The following CD36 variants were observed in gnomAD, a reference collection of about 807,000 sequenced individuals.
The protein encoded by CD36 is platelet glycoprotein 4.
Under a neutral mutation model 55.2 loss-of-function variants are expected in CD36, and 119 were observed. That is an observed-to-expected ratio of 2.15 (90% confidence interval 1.86 to 2.51). The LOEUF (loss-of-function observed/expected upper bound fraction) is 2.51, where lower values mean the gene tolerates loss of function less well. CD36 is among the 30% of genes most tolerant of loss of function. The pLI is 0.00. For synonymous variants in CD36, 186 were observed against 193.6 expected (o/e 0.96, Z 0.33); for missense variants, 819 against 555.5 (o/e 1.47, Z -4.77).
chr7:80,670,297 A>G (rs1797536129), intron 9 of CD36: 4 of 436,044 alleles, frequency 9.2e-6, no homozygotes, highest in East Asian at 4.9e-5. Flanking sequence ...CTAAAGACAT[A>G]CAGAGAAGAT....
At chr7:80,651,595 G>T (rs1795625673) in intron 3 of CD36, among the ~76,000 whole-genome samples, 1 of 151,952 alleles carries the variant, frequency 6.6e-6, no homozygotes, top group African/African-American at 2.4e-5. Context: ...AAAATAAATT[G>T]AAATCATGAT....
intron 11 of CD36, 73 bp downstream of exon 11, chr7:80,672,113 C>A: frequency 8.5e-7 from 1 of 1,181,924 alleles, no homozygotes; most frequent in Non-Finnish European, 1.2e-6. Context: ...ATAATCTTGT[C>A]GATGATTATT....
At chr7:80,614,184 G>C (rs1183573246) in intron 1 of CD36, among the ~76,000 whole-genome samples, 4 of 152,120 alleles carry the variant, frequency 2.6e-5, no homozygotes, top group African/African-American at 9.6e-5. Context: ...AATAAAATGG[G>C]CATCATTCTC....
upstream of CD36, among the ~76,000 whole-genome samples, chr7:80,637,656 C>T (rs999576334): frequency 6.6e-6 from 1 of 151,740 alleles, no homozygotes; most frequent in Non-Finnish European, 1.5e-5. Context: ...CACGAGCATT[C>T]TAACTTAAGG....
Position 80,661,068 on chromosome 7 carries a change from G to C in CD36, c.287G>C (p.Arg96Pro), listed in dbSNP as rs70961715. Residue 96 changes from arginine (R) to proline (P), a missense_variant, in exon 5 of 15, where the codon CGT (arginine) becomes CCT (proline). By Grantham distance (103) the Arg-to-Pro change is moderately radical (BLOSUM62 -2). Coordinates refer to ENST00000447544, the MANE Select transcript of CD36 (RefSeq NM_001001548.3). Reference sequence around the variant, plus strand: ...GTTTACTGCTATTTCTTTAGAGTTCGTTTTCTAGCCAAGGAAAATGTAACC... The same window carrying C: ...GTTTACTGCTATTTCTTTAGAGTTCCTTTTCTAGCCAAGGAAAATGTAACC... Reference protein sequence around the residue: ...KQRGPYTYRVRFLAKENVTQD... With the variant: ...KQRGPYTYRVPFLAKENVTQD... The C allele has an allele frequency of 4.1e-5, 66 of 1,612,994 alleles. No individual in the cohort carries two copies. In the East Asian group the frequency reaches 1.2e-3, roughly 29 times the overall value.
In CD36 at chr7:80,661,158, T is replaced by TATC. The variant is rs753791074; in HGVS notation, c.379_381dup (p.Ser127dup). ...AATGGTGCCATCTTCGAACCTTCAC[T>TATC]ATCAGTTGGAACAGAGGCTGACAAC... On this transcript the variant is annotated inframe_insertion, in exon 5 of 15. Transcript: ENST00000447544. The TATC allele has an allele frequency of 3.7e-6, 6 of 1,614,030 alleles. 1 individual carries two copies. The highest frequency in any genetic ancestry group is 1.7e-4 in the Middle Eastern group (1 of 6,060).
Position 80,661,191 on chromosome 7 carries a change from T to C in CD36, c.410T>C (p.Val137Ala), listed in dbSNP as rs2272350. 2.7e-5 allele frequency: 43 copies of C among 1,614,032 alleles called. No individual in the cohort carries two copies. The East Asian group carries it at 9.4e-4, about 35-fold the overall frequency. The change falls in exon 5 of 15, where the codon GTT (valine) becomes GCT (alanine). Residue 137 changes from valine to alanine, a missense_variant. Val to Ala is a moderately conservative substitution (Grantham distance 64). Coordinates refer to ENST00000447544, the MANE Select transcript of CD36 (RefSeq NM_001001548.3). ...GGAACAGAGGCTGACAACTTCACAG[T>C]TCTCAATCTGGCTGTGGCAGTGAGT... ...SVGTEADNFT[V>A]LNLAVAAASH...
Position 80,673,378 on chromosome 7 carries a change from A to G in CD36, c.1223A>G (p.Asn408Ser). The stretch of plus-strand genomic sequence containing the variant: ...AGAGTATTAAAGAATCTGAAGAGGA[A>G]CTATATTGTGCCTATTCTTTGGCTT... ...KIQVLKNLKR[N>S]YIVPILWLNE... Residue 408 changes from asparagine to serine, a missense_variant, in exon 13 of 15, where the codon AAC becomes AGC. Coordinates refer to ENST00000447544, the MANE Select transcript of CD36 (RefSeq NM_001001548.3). 6.4e-7 allele frequency: 1 copy of G among 1,558,500 alleles called. No homozygotes were observed. Among genetic ancestry groups the G allele is most frequent in the Non-Finnish European group, 8.8e-7 (1 of 1,130,408 alleles).
At chr7:80,607,886 CTCA>C (rs1176283175) in intron 1 of CD36, among the ~76,000 whole-genome samples, 1 of 152,108 alleles carries the variant, frequency 6.6e-6, no homozygotes, top group Non-Finnish European at 1.5e-5. Context: ...ATTCTCCTGC[CTCA>C]TCCTCCCGAG....
chr7:80,670,170 A>T, intron 9 of CD36, 148 bp downstream of exon 9: 1 of 648,088 alleles, frequency 1.5e-6, no homozygotes. Flanking sequence ...CCAATTTTTA[A>T]TAGTACAAAT....
At position 80,671,982 on chromosome 7, in the gene CD36, C is replaced by CTATT; in HGVS notation, c.1068_1071dup (p.Asp358TyrfsTer2). On this transcript the variant is annotated frameshift_variant, in exon 11 of 15. Coordinates refer to ENST00000447544, the MANE Select transcript of CD36 (RefSeq NM_001001548.3). LOFTEE classifies it high-confidence loss of function. ...TATGCAAGTCCTGATGTTTCAGAAC[C>CTATT]TATTGATGGATTAAACCCAAATGAA... 1.2e-6 allele frequency: 2 copies of CTATT among 1,608,530 alleles called. No homozygotes were observed. Among genetic ancestry groups the CTATT allele is most frequent in the Non-Finnish European group, 1.7e-6 (2 of 1,175,604 alleles).
intron 4 of CD36, among the ~76,000 whole-genome samples, chr7:80,660,731 T>C (rs1796451001): frequency 1.3e-5 from 2 of 152,222 alleles, no homozygotes; most frequent in South Asian, 4.1e-4. Flanking sequence ...ACCATTTATG[T>C]AGACTTGTAC....
At chr7:80,647,777 G>T (rs1160774728) in intron 3 of CD36, among the ~76,000 whole-genome samples, 1 of 152,150 alleles carries the variant, frequency 6.6e-6, no homozygotes, top group African/African-American at 2.4e-5. Flanking sequence ...TGTGTTTACT[G>T]CCTGAAGGCA....
intron 3 of CD36, among the ~76,000 whole-genome samples, chr7:80,648,904 G>A (rs1008955369): frequency 6.6e-6 from 1 of 152,048 alleles, no homozygotes; most frequent in East Asian, 1.9e-4. Flanking sequence ...GAAGATGGAA[G>A]GAAGAAGGTA....
At chr7:80,641,508 GA>G (rs1174296936) in intron 1 of CD36, among the ~76,000 whole-genome samples, 1 of 152,050 alleles carries the variant, frequency 6.6e-6, no homozygotes, top group Non-Finnish European at 1.5e-5. Flanking sequence ...TGGAAAACAA[GA>G]GTGTGGTCTG....
chr7:80,646,657 G>C lies in CD36; in HGVS notation c.-84G>C, dbSNP rs1795188849. 3.3e-6 allele frequency: 5 copies of C among 1,506,586 alleles called. No homozygotes were observed. Among genetic ancestry groups the C allele is most frequent in the Non-Finnish European group, 4.6e-6 (5 of 1,083,154 alleles). The allele number at this position is 1,506,586 out of a possible 1,614,324, so 93.3% of individuals were successfully genotyped here. On this transcript the variant is annotated 5_prime_UTR_variant, in exon 3 of 15. Coordinates refer to ENST00000447544, the MANE Select transcript of CD36 (RefSeq NM_001001548.3). ...TGATCTCTTTCTAATGATAGAACCA[G>C]AGCTTGTAGAAACCACTTTAATCAT...
In CD36 at chr7:80,611,174, C is replaced by T. The variant is rs537034139; in HGVS notation, c.-184+8795C>T. 1.3e-3 allele frequency among the ~76,000 whole-genome samples: 195 copies of T among 152,266 alleles called. 1 individual carries two copies. The highest frequency in any genetic ancestry group is 2.4e-3 in the Non-Finnish European group (163 of 68,026). ...CTGGGATTATAGGCCTGAGCCACTG[C>T]GCCCTGCCTTGAACAAAATTATAAT... On this transcript the variant is annotated intron_variant, in intron 1 of 13. Transcript: ENST00000309881.
intron 12 of CD36, 41 bp downstream of exon 12, chr7:80,672,884 T>TATC (rs540350089): frequency 1.6e-6 from 2 of 1,231,262 alleles, no homozygotes; most frequent in Non-Finnish European, 2.4e-6. Flanking sequence ...TGATCTGTAG[T>TATC]ATCGTAGTAT....
chr7:80,616,444 TGTGTGC>T (rs1246591593), intron 1 of CD36, among the ~76,000 whole-genome samples: 1 of 121,702 alleles, frequency 8.2e-6, no homozygotes, highest in African/African-American at 3.3e-5. Context: ...TGTGTGTGTG[TGTGTGC>T]CTGCACGCAC....
Sources: gnomAD v4.1 joint callset for allele counts (sites outside exome capture counted in the v4.1 genomes callset) on GRCh38, gnomAD v4.1.1 for gene constraint, MANE v1.5 for transcripts, NCBI Gene and HGNC (gene_info 2026-07-23, HGNC 2026-07-21) for gene names.